ZNF385B: variants seen among roughly 807,000 people sequenced by gnomAD.
The protein encoded by ZNF385B is zinc finger protein 385B, also known as zinc finger protein 533.
Under a neutral mutation model 39.2 loss-of-function variants are expected in ZNF385B, and 23 were observed. That is an observed-to-expected ratio of 0.59 (90% CI 0.42 to 0.83). The LOEUF (loss-of-function observed/expected upper bound fraction) is 0.83. Ranked by LOEUF, ZNF385B falls within the 40% of genes least tolerant of loss-of-function variation. The pLI is 0.00. For missense variants in ZNF385B, 552 were observed against 598.9 expected, an observed-to-expected ratio of 0.92 and a Z score of 0.82; for synonymous variants, 205 against 222.6, an observed-to-expected ratio of 0.92 and a Z score of 0.70.
chr2:179,740,968 G>C (rs929679096), intron 3 of ZNF385B, among the ~76,000 whole-genome samples: 2 of 152,108 alleles, frequency 1.3e-5, no homozygotes, highest in Non-Finnish European at 2.9e-5. Context: ...TAGGGCAATA[G>C]ACACTGAAAA....
intron 3 of ZNF385B, among the ~76,000 whole-genome samples, chr2:179,578,143 C>A (rs1686054287): frequency 6.6e-6 from 1 of 152,034 alleles, no homozygotes; most frequent in African/African-American, 2.4e-5. Flanking sequence ...ATGTATGTTG[C>A]ACATTTAAGT....
At chr2:179,702,194 A>T (rs547559723) in intron 3 of ZNF385B, among the ~76,000 whole-genome samples, 59 of 152,340 alleles carry the variant, frequency 3.9e-4, no homozygotes, top group African/African-American at 9.1e-4. Context: ...AGATAATTTT[A>T]AAAAAAGATG....
In ZNF385B at chr2:179,443,370, T is replaced by C; in HGVS notation, c.1341A>G (p.Ser447=). Residue 447 remains serine, a synonymous_variant, in exon 10 of 10, where the codon TCA becomes TCG. Coordinates refer to ENST00000410066, the MANE Select transcript of ZNF385B (RefSeq NM_152520.6). ...GCGAGGCAGAGGGCCGGGGTGGGAGTGACAGCGCTGAGGACACGGCTGCCG... is the reference window on the plus strand; with the variant it reads ...GCGAGGCAGAGGGCCGGGGTGGGAGCGACAGCGCTGAGGACACGGCTGCCG... The part of the protein sequence containing the change: ...AAAAAVSSAL[S]LPPRPSASLF... 6.2e-7 allele frequency: 1 copy of C among 1,611,032 alleles called. No homozygotes were observed.
chr2:179,674,406 G>A (rs1050595027), intron 3 of ZNF385B, among the ~76,000 whole-genome samples: 28 of 152,138 alleles, frequency 1.8e-4, no homozygotes, highest in African/African-American at 6.8e-4. Context: ...TCAAAAGTTA[G>A]GGGGCAGTGG....
chr2:179,822,352 C>A (rs572453668), intron 1 of ZNF385B, among the ~76,000 whole-genome samples: 1 of 152,186 alleles, frequency 6.6e-6, no homozygotes, highest in African/African-American at 2.4e-5. Context: ...AATACACTAA[C>A]GTGTAAAACA....
At chr2:179,587,991 C>G (rs1424507727) in intron 3 of ZNF385B, among the ~76,000 whole-genome samples, 1 of 152,182 alleles carries the variant, frequency 6.6e-6, no homozygotes, top group Non-Finnish European at 1.5e-5. Context: ...ATACAAAGAC[C>G]TGACATACTG....
chr2:179,712,889 C>T (rs893851142), intron 3 of ZNF385B, among the ~76,000 whole-genome samples: 3 of 152,154 alleles, frequency 2.0e-5, no homozygotes, highest in East Asian at 1.9e-4. Flanking sequence ...AAGTGAATCA[C>T]GTTCAATAAA....
chr2:179,659,068 T>C (rs1414576468), intron 3 of ZNF385B, among the ~76,000 whole-genome samples: 2 of 152,206 alleles, frequency 1.3e-5, no homozygotes. Context: ...CGAGCCACCA[T>C]GCCTGGCCAA....
At chr2:179,842,441 T>C (rs17775571) in intron 1 of ZNF385B, among the ~76,000 whole-genome samples, 7,187 of 152,292 alleles carry the variant, frequency 0.047, 242 homozygotes, top group Non-Finnish European at 0.071. Flanking sequence ...GCTCATCTAA[T>C]AAAATCTTAA....
At chr2:179,680,728 T>C (rs1559082566) in intron 3 of ZNF385B, among the ~76,000 whole-genome samples, 1 of 152,132 alleles carries the variant, frequency 6.6e-6, no homozygotes, top group Non-Finnish European at 1.5e-5. Context: ...TTAAGAATGT[T>C]AAATATTAAA....
chr2:179,776,524 C>T (rs887568954), intron 1 of ZNF385B, among the ~76,000 whole-genome samples: 2 of 152,122 alleles, frequency 1.3e-5, no homozygotes, highest in Non-Finnish European at 2.9e-5. Context: ...TATAACATCC[C>T]GCACCTTTTA....
intron 3 of ZNF385B, among the ~76,000 whole-genome samples, chr2:179,635,388 G>C (rs545555506): frequency 2.1e-5 from 3 of 140,066 alleles, no homozygotes; most frequent in Non-Finnish European, 4.7e-5. Flanking sequence ...GTTGGGGGGT[G>C]GGGGGGCTGG....
At chr2:179,455,612 C>A (rs746676278) in intron 6 of ZNF385B, among the ~76,000 whole-genome samples, 1 of 152,000 alleles carries the variant, frequency 6.6e-6, no homozygotes, top group Non-Finnish European at 1.5e-5. Flanking sequence ...TAGTCTCGGC[C>A]AGGCGCAGTG....
intron 6 of ZNF385B, among the ~76,000 whole-genome samples, chr2:179,462,263 T>G (rs1360261856): frequency 2.0e-5 from 3 of 152,212 alleles, no homozygotes; most frequent in Admixed American, 2.0e-4. Flanking sequence ...TCTGAAATCA[T>G]TCTCTGCTTT....
intron 4 of ZNF385B, among the ~76,000 whole-genome samples, chr2:179,523,689 A>G (rs1389764470): frequency 2.0e-5 from 3 of 152,210 alleles, no homozygotes; most frequent in Non-Finnish European, 4.4e-5. Context: ...TAAGAGTCTT[A>G]AAAGGATTTA....
At chr2:179,481,467 T>C (rs2053988903) in intron 6 of ZNF385B, among the ~76,000 whole-genome samples, 1 of 152,030 alleles carries the variant, frequency 6.6e-6, no homozygotes, top group African/African-American at 2.4e-5. Context: ...AATGGATTCT[T>C]CTCTGATTGT....
At chr2:179,784,108 G>A (rs1052106699) in intron 1 of ZNF385B, among the ~76,000 whole-genome samples, 3 of 152,146 alleles carry the variant, frequency 2.0e-5, no homozygotes, top group Admixed American at 6.5e-5. Context: ...TAAAGAAAAC[G>A]TGGTAAATGT....
chr2:179,455,107 T>C (rs1205729410), intron 6 of ZNF385B, among the ~76,000 whole-genome samples: 1 of 152,196 alleles, frequency 6.6e-6, no homozygotes, highest in African/African-American at 2.4e-5. Flanking sequence ...TCATGGTAAA[T>C]GCTCTATACA....
chr2:179,710,869 G>T (rs1323457781), intron 3 of ZNF385B, among the ~76,000 whole-genome samples: 3 of 152,212 alleles, frequency 2.0e-5, no homozygotes, highest in Non-Finnish European at 4.4e-5. Flanking sequence ...CCTCACCTGA[G>T]TACCTGGAGC....
Sources: allele counts gnomAD v4.1 joint callset (sites outside exome capture counted in the v4.1 genomes callset), GRCh38; gene constraint gnomAD v4.1.1; transcripts MANE v1.5; gene names NCBI Gene and HGNC (gene_info 2026-07-23, HGNC 2026-07-21).